The following RELL1 variants were observed in gnomAD, a reference collection of about 807,000 sequenced individuals.
RELL1 encodes the protein RELT-like protein 1.
Under a neutral mutation model 23.0 loss-of-function variants are expected in RELL1, and 10 were observed. The ratio of observed to expected loss-of-function variants is 0.43; its 90% CI spans 0.27 to 0.74. The LOEUF (loss-of-function observed/expected upper bound fraction) is 0.74, where lower values mean the gene tolerates loss of function less well. RELL1 is among the 30% of genes least tolerant of loss of function. The pLI is 0.19. For synonymous variants in RELL1, 146 were observed against 146.8 expected (o/e 0.99, Z 0.04); for missense variants, 315 against 364.4 (o/e 0.86, Z 1.10).
At chr4:37,602,650 G>A (rs1327908553) in intron 6 of RELL1, among the ~76,000 whole-genome samples, 1 of 152,162 alleles carries the variant, frequency 6.6e-6, no homozygotes, top group Non-Finnish European at 1.5e-5. Context: ...CTCGGTAGGG[G>A]TGGATGAGAA....
At chr4:37,654,889 G>A (rs866822475) in intron 1 of RELL1, among the ~76,000 whole-genome samples, 2 of 151,628 alleles carry the variant, frequency 1.3e-5, no homozygotes, top group Non-Finnish European at 2.9e-5. Context: ...ACGCATGAAG[G>A]TATAAAGCCA....
intron 1 of RELL1, 95 bp downstream of exon 1, chr4:37,686,105 G>A (rs924512727): frequency 5.6e-6 from 6 of 1,063,752 alleles, no homozygotes; most frequent in African/African-American, 1.7e-5. Flanking sequence ...CAGAAAGCAG[G>A]ACGCCGCGGG....
At chr4:37,588,853 C>T, downstream of RELL1, 2 of 1,610,634 alleles carry the variant, frequency 1.2e-6, no homozygotes, top group Non-Finnish European at 1.7e-6. Flanking sequence ...CAGGTGGTAA[C>T]AGAAAACAAT....
rs557481004 is a variant in RELL1 at position 37,602,822 on chromosome 4, T to C, written c.*4-11605A>G. Among the ~76,000 whole-genome samples, 29 of 152,326 alleles carry C rather than the reference T, an allele frequency of 1.9e-4. No individual in the cohort carries two copies. In the South Asian group the frequency reaches 5.8e-3, roughly 30 times the overall value. ...ACAGCAAAGGTCGTGCCTACTTCTC[T>C]GAGACCACACCACTTCCATGACAGC... On this transcript the variant is annotated intron_variant, in intron 6 of 6. Coordinates refer to the RELL1 transcript ENST00000314117.
At chr4:37,638,534 A>T in intron 3 of RELL1, 30 bp from the exon 4 acceptor site, 1 of 1,514,782 alleles carries the variant, frequency 6.6e-7, no homozygotes, top group South Asian at 1.2e-5. Flanking sequence ...TTAAAGAATT[A>T]AAATAGAATG....
chr4:37,597,447 C>T (rs1399784056), intron 6 of RELL1, among the ~76,000 whole-genome samples: 2 of 152,090 alleles, frequency 1.3e-5, no homozygotes, highest in Non-Finnish European at 2.9e-5. Context: ...CTTAAAATCC[C>T]ACACAAAAAA....
chr4:37,634,827 A>C, intron 5 of RELL1, 60 bp downstream of exon 5: 1 of 1,344,590 alleles, frequency 7.4e-7, no homozygotes, highest in South Asian at 1.2e-5. Flanking sequence ...GGTAAGCAGA[A>C]GTCCACACAC....
chr4:37,618,477 G>C (rs1719650473), intron 6 of RELL1, among the ~76,000 whole-genome samples: 3 of 151,892 alleles, frequency 2.0e-5, no homozygotes, highest in Admixed American at 2.0e-4. Flanking sequence ...GCTTCAAGCA[G>C]TCCTCCAGCC....
At chr4:37,683,149 A>G (rs1030980571) in intron 1 of RELL1, among the ~76,000 whole-genome samples, 1 of 152,256 alleles carries the variant, frequency 6.6e-6, no homozygotes, top group East Asian at 1.9e-4. Flanking sequence ...ACATGCTTAC[A>G]ATTTTATGAC....
intron 4 of RELL1, among the ~76,000 whole-genome samples, chr4:37,635,486 G>A (rs968946953): frequency 1.3e-5 from 2 of 152,096 alleles, no homozygotes; most frequent in African/African-American, 2.4e-5. Context: ...AATTAGTCAG[G>A]CATGATGGTG....
At chr4:37,681,484 G>A (rs1402159090) in intron 1 of RELL1, among the ~76,000 whole-genome samples, 1 of 145,508 alleles carries the variant, frequency 6.9e-6, no homozygotes, top group Non-Finnish European at 1.5e-5. Context: ...GAGGTGGACA[G>A]AACCATATGC....
rs1188287284 is a variant in RELL1, at chr4:37,682,708, A to G, written c.88+3492T>C. On this transcript the variant is annotated intron_variant, in intron 1 of 6. Transcript: ENST00000454158. ...TTTTTCAAAACTTTCCAAACACTAT[A>G]TATTATGTGGATGTACAGCTTCGCA... 4.6e-5 allele frequency among the ~76,000 whole-genome samples: 7 copies of G among 152,194 alleles called. 1 individual carries two copies. The highest frequency in any genetic ancestry group is 1.7e-4 in the African/African-American group (7 of 41,430).
At chr4:37,651,048 A>C (rs1460543928) in intron 1 of RELL1, among the ~76,000 whole-genome samples, 3 of 123,626 alleles carry the variant, frequency 2.4e-5, no homozygotes, top group Non-Finnish European at 5.4e-5. Flanking sequence ...TGACAGAGCA[A>C]GACTGTCTCA....
chr4:37,604,852 G>C (rs199696188), intron 6 of RELL1, among the ~76,000 whole-genome samples: 1,457 of 26,098 alleles, frequency 0.056, 31 homozygotes, highest in African/African-American at 0.13. Flanking sequence ...CACACACACA[G>C]ACACACACAC....
At chr4:37,616,143 C>T (rs1242153963) in intron 6 of RELL1, among the ~76,000 whole-genome samples, 1 of 152,000 alleles carries the variant, frequency 6.6e-6, no homozygotes, top group Non-Finnish European at 1.5e-5. Flanking sequence ...TTGCAGAGCA[C>T]TTTCTCTGTG....
At chr4:37,615,134 G>A (rs907039959) in intron 6 of RELL1, among the ~76,000 whole-genome samples, 19 of 152,182 alleles carry the variant, frequency 1.2e-4, no homozygotes, top group African/African-American at 4.1e-4. Context: ...AGTATGCTCC[G>A]AAAGGTTAAC....
intron 4 of RELL1, among the ~76,000 whole-genome samples, chr4:37,635,881 T>C (rs1720309808): frequency 6.6e-6 from 1 of 152,142 alleles, no homozygotes; most frequent in Non-Finnish European, 1.5e-5. Context: ...TCAGATAACT[T>C]AGAGAAAACA....
intron 5 of RELL1, among the ~76,000 whole-genome samples, chr4:37,632,921 C>A (rs17605314): frequency 6.6e-6 from 1 of 151,974 alleles, no homozygotes. Context: ...CTTCTGTGTC[C>A]AAAATAAGAT....
At chr4:37,626,334 C>T (rs369136813) in intron 6 of RELL1, among the ~76,000 whole-genome samples, 11 of 152,028 alleles carry the variant, frequency 7.2e-5, no homozygotes, top group African/African-American at 2.7e-4. Flanking sequence ...AAAAGTTAGC[C>T]AGGTGTGGTG....
Sources: gnomAD v4.1 joint callset for allele counts (sites outside exome capture counted in the v4.1 genomes callset) on GRCh38, gnomAD v4.1.1 for gene constraint, MANE v1.5 for transcripts, NCBI Gene and HGNC (gene_info 2026-07-23, HGNC 2026-07-21) for gene names.